Variants in PCDHA1 observed in about 807,000 individuals in gnomAD.
PCDHA1 encodes protocadherin alpha-1.
In PCDHA1, 42 loss-of-function variants were observed where a neutral mutation model predicts 61.3. The ratio of observed to expected loss-of-function variants is 0.69; its 90% CI spans 0.54 to 0.89. The LOEUF is 0.89. Ranked by LOEUF, PCDHA1 falls within the 40% of genes least tolerant of loss-of-function variation. The probability of loss-of-function intolerance (pLI) is 0.00; values close to 1 mark genes in which losing one functional copy is unlikely to be tolerated. For missense variants in PCDHA1, 1,256 were observed against 1,235.3 expected, an observed-to-expected ratio of 1.02 and a Z score of -0.25; for synonymous variants, 610 against 553.8, an observed-to-expected ratio of 1.10 and a Z score of -1.43.
intron 3 of PCDHA1, among the ~76,000 whole-genome samples, chr5:140,992,354 A>C (rs996986066): frequency 1.3e-5 from 2 of 152,184 alleles, no homozygotes; most frequent in Non-Finnish European, 2.9e-5. Context: ...TGGAGAGAGG[A>C]GAAAAATGGT....
chr5:140,876,370 G>A, intron 1 of PCDHA1: 1 of 1,613,946 alleles, frequency 6.2e-7, no homozygotes, highest in Non-Finnish European at 8.5e-7. Flanking sequence ...TCCAGACACA[G>A]GTGAAATTAG....
At chr5:140,915,535 A>G (rs1482564103) in intron 1 of PCDHA1, among the ~76,000 whole-genome samples, 1 of 152,002 alleles carries the variant, frequency 6.6e-6, no homozygotes, top group African/African-American at 2.4e-5. Context: ...ACCATCTTGG[A>G]GGTCTTGAAT....
chr5:140,926,948 CG>C, intron 1 of PCDHA1: 2 of 1,589,778 alleles, frequency 1.3e-6, no homozygotes, highest in African/African-American at 1.3e-5. Context: ...GGCGCTGCAG[CG>C]GGACAGCTCG....
intron 1 of PCDHA1, chr5:140,882,617 T>TA: frequency 6.2e-7 from 1 of 1,614,218 alleles, no homozygotes; most frequent in Non-Finnish European, 8.5e-7. Context: ...TCTGCAGGTT[T>TA]TCCATGTGGA....
In PCDHA1 at chr5:140,883,892, G is replaced by C; in HGVS notation, c.2395-95057G>C. ...CCAGGTGAGCGCGCGCGACTCTGGC[G>C]TGCCGCCTCTGGGCAGCAACGTGAC... On this transcript the variant is annotated intron_variant, in intron 1 of 3. Transcript: ENST00000504120. 4 of 1,613,362 alleles carry C rather than the reference G, an allele frequency of 2.5e-6. No homozygotes were observed. The South Asian group carries it at 4.4e-5, about 18-fold the overall frequency.
rs1554148728 is a variant in PCDHA1, at chr5:140,856,447, C to T, written c.2394+67763C>T. On this transcript the variant is annotated intron_variant, in intron 1 of 3. Transcript: ENST00000504120. ...TTAACGACAACCCGCCCAGGTTCTC[C>T]GTAACAGAACAAAAGCTCTCAATAC... 8 of 1,598,330 alleles carry T rather than the reference C, an allele frequency of 5.0e-6. 1 individual carries two copies. The highest frequency in any genetic ancestry group is 6.8e-6 in the Non-Finnish European group (8 of 1,167,884).
intron 1 of PCDHA1, chr5:140,824,049 C>T: frequency 6.2e-7 from 1 of 1,614,198 alleles, no homozygotes; most frequent in Non-Finnish European, 8.5e-7. Context: ...AGAGGGTGTG[C>T]TCTGGGGAAG....
rs562978091 is a variant in PCDHA1 at position 140,796,652 on chromosome 5, C to G, written c.2394+7968C>G. On this transcript the variant is annotated intron_variant, in intron 1 of 3. Transcript: ENST00000504120. ...GTGCTGGACGAGAACGACAACGCGC[C>G]GGCACTGTTGGCGCCTAGGGCTGGC... is the stretch of plus-strand genomic sequence containing the variant. The G allele has an allele frequency of 9.9e-6, 16 of 1,613,846 alleles. No homozygotes were observed. The highest frequency in any genetic ancestry group is 1.4e-5 in the Non-Finnish European group (16 of 1,179,872).
At chr5:140,869,937 A>C (rs782444890) in intron 1 of PCDHA1, 1 of 1,612,006 alleles carries the variant, frequency 6.2e-7, no homozygotes, top group Non-Finnish European at 8.5e-7. Flanking sequence ...GAGAGGTAAC[A>C]TACTCCTTAA....
At chr5:140,958,744 A>G (rs1421311606) in intron 1 of PCDHA1, among the ~76,000 whole-genome samples, 1 of 152,156 alleles carries the variant, frequency 6.6e-6, no homozygotes, top group Non-Finnish European at 1.5e-5. Context: ...AAAGAGAGAA[A>G]GGAGATTTTT....
rs372699466 is a variant in PCDHA1, at chr5:140,807,817, A to C, written c.2394+19133A>C. On this transcript the variant is annotated intron_variant, in intron 1 of 3. Transcript: ENST00000504120. ...GAGAAGAAGCTCCGGAGATTTTTTT[A>C]GTGCTCACAGCCACTGATGGAGGCA... The C allele has an allele frequency of 1.3e-4, 210 of 1,614,050 alleles. No homozygotes were observed. The highest frequency in any genetic ancestry group is 1.7e-4 in the Non-Finnish European group (201 of 1,180,040).
At chr5:140,985,151 A>G (rs1335001570) in intron 3 of PCDHA1, among the ~76,000 whole-genome samples, 3 of 152,092 alleles carry the variant, frequency 2.0e-5, no homozygotes, top group Admixed American at 2.0e-4. Flanking sequence ...GTTAGCCAGG[A>G]TTGTCTCAAT....
intron 1 of PCDHA1, chr5:140,967,903 A>C: frequency 6.2e-7 from 1 of 1,614,112 alleles, no homozygotes; most frequent in Non-Finnish European, 8.5e-7. Flanking sequence ...AGAATGCTAC[A>C]CCCAACACCA....
intron 3 of PCDHA1, among the ~76,000 whole-genome samples, chr5:141,000,365 C>G (rs1413548696): frequency 7.8e-5 from 1 of 12,832 alleles, no homozygotes; most frequent in Non-Finnish European, 1.3e-4. Flanking sequence ...CTCTCTGTCT[C>G]TCTCTCTCTC....
rs1554117353 is a variant in PCDHA1, at chr5:140,786,363, G to A, written c.73G>A (p.Glu25Lys). 1.2e-6 allele frequency: 2 copies of A among 1,613,936 alleles called. No homozygotes were observed. The highest frequency in any genetic ancestry group is 1.7e-6 in the Non-Finnish European group (2 of 1,180,046). Residue 25 changes from glutamate (E) to lysine (K), a missense_variant, in exon 1 of 4, where the codon GAG (glutamate) becomes AAG (lysine). Physicochemically the swap from Glu to Lys is moderately conservative, Grantham distance 56. Transcript: ENST00000504120. Reference protein sequence around the residue: ...LLWLLLLAAWEVGSGQLHYSI... With the variant: ...LLWLLLLAAWKVGSGQLHYSI... The stretch of plus-strand genomic sequence containing the variant: ...TTGGCTTCTGCTCCTCGCAGCCTGG[G>A]AGGTGGGGAGCGGCCAGCTCCACTA...
At chr5:140,998,008 T>C (rs1447849810) in intron 3 of PCDHA1, among the ~76,000 whole-genome samples, 6 of 152,128 alleles carry the variant, frequency 3.9e-5, no homozygotes, top group East Asian at 1.9e-4. Flanking sequence ...GAGCCTTCCA[T>C]CCCCACCTCG....
At chr5:140,831,761 G>T (rs2150109783) in intron 1 of PCDHA1, among the ~76,000 whole-genome samples, 2 of 152,184 alleles carry the variant, frequency 1.3e-5, no homozygotes, top group African/African-American at 4.8e-5. Context: ...TACCAATTTT[G>T]TTTTGTGGAT....
Position 140,787,404 on chromosome 5 carries a change from A to G in PCDHA1, c.1114A>G (p.Ile372Val). The G allele has an allele frequency of 1.2e-6, 2 of 1,614,212 alleles. No individual in the cohort carries two copies. Among genetic ancestry groups the G allele is most frequent in the Non-Finnish European group, 1.7e-6 (2 of 1,180,032 alleles). The stretch of plus-strand genomic sequence containing the variant: ...TCCACTCAGCACCGTCATCGCCCTC[A>G]TCACCGTGTCTGACCGTGACTCAGG... Reference protein sequence around the residue: ...DAPLSTVIALITVSDRDSGAN... With the variant: ...DAPLSTVIALVTVSDRDSGAN... Residue 372 changes from isoleucine (I) to valine (V), a missense_variant, in exon 1 of 4, where the codon ATC (isoleucine) becomes GTC (valine). Coordinates refer to ENST00000504120, the MANE Select transcript of PCDHA1 (RefSeq NM_018900.4).
chr5:141,009,938 G>T lies in PCDHA1; in HGVS notation c.*1G>T, dbSNP rs781826815. The T allele has an allele frequency of 6.6e-5, 106 of 1,600,570 alleles. No individual in the cohort carries two copies. The highest frequency in any genetic ancestry group is 8.9e-5 in the Non-Finnish European group (105 of 1,175,516). ...CACGACTGACAACAGTGACCAGTGA[G>T]GTCCTCAAATGGAAACAAGCCACTT... On this transcript the variant is annotated 3_prime_UTR_variant, in exon 4 of 4. Coordinates refer to ENST00000504120, the MANE Select transcript of PCDHA1 (RefSeq NM_018900.4).
Sources: allele counts gnomAD v4.1 joint callset (sites outside exome capture counted in the v4.1 genomes callset), GRCh38; gene constraint gnomAD v4.1.1; transcripts MANE v1.5; gene names NCBI Gene and HGNC (gene_info 2026-07-23, HGNC 2026-07-21).